LRATD1: variants seen among roughly 807,000 people sequenced by gnomAD.
LRATD1 encodes the protein LRAT domain containing 1.
LRATD1 carries 8 observed loss-of-function variants against 21.3 expected under a neutral mutation model. The observed-to-expected ratio is 0.38, with a 90% CI of 0.22 to 0.68. LRATD1 has a LOEUF of 0.68. LRATD1 is among the 30% of genes least tolerant of loss of function. The pLI is 0.54. For synonymous variants in LRATD1, 210 were observed against 186.2 expected, an observed-to-expected ratio of 1.13 and a Z score of -1.04; for missense variants, 380 against 404.0, an observed-to-expected ratio of 0.94 and a Z score of 0.51.
chr2:14,646,558 A>G (rs1671899429), intron 4 of LRATD1: 1 of 152,218 alleles, frequency 6.6e-6, no homozygotes, highest in South Asian at 2.1e-4. Context: ...TAAGTTGAAC[A>G]AGAACAAACG....
At chr2:14,650,977 G>C (rs1451864376), downstream of LRATD1, among the ~76,000 whole-genome samples, 1 of 152,144 alleles carries the variant, frequency 6.6e-6, no homozygotes, top group Non-Finnish European at 1.5e-5. Flanking sequence ...TTCATGGCCT[G>C]TCACAATCAT....
downstream of LRATD1, among the ~76,000 whole-genome samples, chr2:14,651,309 C>A (rs903969014): frequency 1.3e-5 from 2 of 152,108 alleles, no homozygotes; most frequent in Non-Finnish European, 2.9e-5. Context: ...TTATGCTATA[C>A]TTCTCTTAAC....
rs1483470242 is a variant in LRATD1, at chr2:14,638,836, GGTCT to G, written c.*3981_*3984del. 3.0e-5 allele frequency: 5 copies of G among 166,944 alleles called. No individual in the cohort carries two copies. Among genetic ancestry groups the G allele is most frequent in the African/African-American group, 1.2e-4 (5 of 41,464 alleles). The allele number at this position is 166,944 out of a possible 1,614,324, so 10.3% of individuals were successfully genotyped here. On this transcript the variant is annotated 3_prime_UTR_variant, in exon 2 of 2. Transcript: ENST00000295092. ...GAGGTGATTTGCCACGTGCACAAAGGGTCTGTAGGTGAAAAGACAGGCTTTTGGG... is the reference window on the plus strand; with the variant it reads ...GAGGTGATTTGCCACGTGCACAAAGGGTAGGTGAAAAGACAGGCTTTTGGG...
In LRATD1 at chr2:14,633,334, G is replaced by A. The variant is rs1168603613; in HGVS notation, c.-37+397G>A. Reference sequence around the variant, plus strand: ...TCTAAGTGTGCCAGTGTGTCGTCGCGAAGGTTTGTCATTGTGGGTGTATGT... The same window carrying A: ...TCTAAGTGTGCCAGTGTGTCGTCGCAAAGGTTTGTCATTGTGGGTGTATGT... On this transcript the variant is annotated intron_variant, in intron 1 of 1. Transcript: ENST00000295092. The surrounding 1 kb of genome is among the most constrained non-coding windows in gnomAD (Gnocchi z 7.5). Among the ~76,000 whole-genome samples the A allele has an allele frequency of 6.6e-6, 1 of 152,192 alleles. No homozygotes were observed. Among genetic ancestry groups the A allele is most frequent in the Non-Finnish European group, 1.5e-5 (1 of 68,036 alleles).
rs958551099 is a variant in LRATD1, at chr2:14,633,241, G to A, written c.-37+304G>A. Among the ~76,000 whole-genome samples, 1 of 152,186 alleles carries A rather than the reference G, an allele frequency of 6.6e-6. No individual in the cohort carries two copies. Among genetic ancestry groups the A allele is most frequent in the Non-Finnish European group, 1.5e-5 (1 of 68,024 alleles). On this transcript the variant is annotated intron_variant, in intron 1 of 1. Transcript: ENST00000295092. The surrounding 1 kb of genome is among the most constrained non-coding windows in gnomAD (Gnocchi z 7.5). The stretch of plus-strand genomic sequence containing the variant: ...TGCCTGTGAGGGCAGGTGTGCCCGG[G>A]TGCTTGGGCGTACGTGCAACGGCGA...
rs534966134 is a variant in LRATD1 at position 14,636,939 on chromosome 2, A to G, written c.*2081A>G. On this transcript the variant is annotated 3_prime_UTR_variant, in exon 2 of 2. Coordinates refer to ENST00000295092, the MANE Select transcript of LRATD1 (RefSeq NM_145175.4). ...ACGTCAGATCAATGAACTATGAACT[A>G]AAGTATTTTTCTTAAGCCTATTGAG... is the stretch of plus-strand genomic sequence containing the variant. 6.0e-6 allele frequency: 1 copy of G among 167,012 alleles called. No homozygotes were observed. Among genetic ancestry groups the G allele is most frequent in the Non-Finnish European group, 1.5e-5 (1 of 68,116 alleles). The allele number at this position is 167,012 out of a possible 1,614,324, so 10.3% of individuals were successfully genotyped here.
rs562247872 is a variant in LRATD1 at position 14,633,154 on chromosome 2, C to T, written c.-37+217C>T. 9.2e-4 allele frequency among the ~76,000 whole-genome samples: 140 copies of T among 152,190 alleles called. No individual in the cohort carries two copies. Among genetic ancestry groups the T allele is most frequent in the Non-Finnish European group, 1.5e-3 (99 of 68,026 alleles). ...TTATTTTAGACAGAGCAGCCTCGCC[C>T]TGGCGCAGTCCCATTGGCCCTGATG... On this transcript the variant is annotated intron_variant, in intron 1 of 1. Coordinates refer to ENST00000295092, the MANE Select transcript of LRATD1 (RefSeq NM_145175.4). This position sits in a 1 kb window ranked among gnomAD's most constrained non-coding sequence, Gnocchi z 7.5.
At chr2:14,644,870 G>T (rs544174041), downstream of LRATD1, among the ~76,000 whole-genome samples, 68 of 152,284 alleles carry the variant, frequency 4.5e-4, no homozygotes, top group Non-Finnish European at 8.4e-4. Flanking sequence ...ACAACTATCA[G>T]ATGCAGTGTG....
At chr2:14,644,651 G>A (rs558737673), downstream of LRATD1, among the ~76,000 whole-genome samples, 1 of 152,090 alleles carries the variant, frequency 6.6e-6, no homozygotes, top group Non-Finnish European at 1.5e-5. Context: ...CAGTTCACAG[G>A]GTTGGGACAG....
Position 14,636,095 on chromosome 2 carries a change from C to T in LRATD1, c.*1237C>T. 1 of 182,734 alleles carries T rather than the reference C, an allele frequency of 5.5e-6. No homozygotes were observed. Among genetic ancestry groups the T allele is most frequent in the Admixed American group, 5.5e-5 (1 of 18,236 alleles). 11.3% of individuals were successfully genotyped at this position (182,734 alleles called of 1,614,324 possible). ...TGGGGGCCATTAAGAGTGGATGTAG[C>T]TAAGAGCTTAGCTAACATTGCCTTT... On this transcript the variant is annotated 3_prime_UTR_variant, in exon 2 of 2. Coordinates refer to ENST00000295092, the MANE Select transcript of LRATD1 (RefSeq NM_145175.4).
At chr2:14,649,594 T>C in exon 6 of LRATD1, 1 of 323,132 alleles carries the variant, frequency 3.1e-6, no homozygotes, top group South Asian at 2.7e-5. Flanking sequence ...CCTCTTGTCC[T>C]CTGGATATCC....
chr2:14,650,246 ACT>A (rs1277749245), downstream of LRATD1: 2 of 151,964 alleles, frequency 1.3e-5, no homozygotes, highest in African/African-American at 2.4e-5. Flanking sequence ...CTAGTTGAAC[ACT>A]CTGTTATTTA....
In LRATD1 at chr2:14,635,851, A is replaced by C. The variant is rs906579294; in HGVS notation, c.*993A>C. 1.6e-5 allele frequency: 6 copies of C among 367,644 alleles called. No individual in the cohort carries two copies. The highest frequency in any genetic ancestry group is 8.6e-5 in the African/African-American group (4 of 46,640). The allele number at this position is 367,644 out of a possible 1,614,324, so 22.8% of individuals were successfully genotyped here. ...CATTCCAGAAACCAGCATTGTTACA[A>C]CACCATAGCCAGTATATTTAGTTTG... On this transcript the variant is annotated 3_prime_UTR_variant, in exon 2 of 2. Transcript: ENST00000295092.
exon 5 of LRATD1, chr2:14,649,360 C>T (rs1671961639): frequency 4.4e-6 from 2 of 456,186 alleles, no homozygotes; most frequent in African/African-American, 4.0e-5. Context: ...CTTAGGAGAC[C>T]CACCAACCAC....
Position 14,637,228 on chromosome 2 carries a change from C to T in LRATD1, c.*2370C>T, listed in dbSNP as rs147796819. Reference sequence around the variant, plus strand: ...TTAAACACCATCTTAAGCACTTGTTCCTGCAGGACTCCTTCTTGACATTTT... The same window carrying T: ...TTAAACACCATCTTAAGCACTTGTTTCTGCAGGACTCCTTCTTGACATTTT... On this transcript the variant is annotated 3_prime_UTR_variant, in exon 2 of 2. Transcript: ENST00000295092. 179 of 167,094 alleles carry T rather than the reference C, an allele frequency of 1.1e-3. 3 individuals are homozygous for T. Among genetic ancestry groups the T allele is most frequent in the Middle Eastern group, 6.8e-3 (2 of 296 alleles). 10.4% of individuals were successfully genotyped at this position (167,094 alleles called of 1,614,324 possible). A position where few individuals can be genotyped will look rare whatever the true frequency, so the allele number is the denominator to read the frequency against.
At chr2:14,643,592 A>T (rs1265045401), downstream of LRATD1, among the ~76,000 whole-genome samples, 1 of 152,204 alleles carries the variant, frequency 6.6e-6, no homozygotes, top group Non-Finnish European at 1.5e-5. Context: ...TGTGTGGAGC[A>T]TTCTTCTCCT....
chr2:14,643,364 C>A (rs1671838222), downstream of LRATD1, among the ~76,000 whole-genome samples: 1 of 152,192 alleles, frequency 6.6e-6, no homozygotes, highest in Non-Finnish European at 1.5e-5. Flanking sequence ...CCTTTAAGGA[C>A]TTTCCATAAC....
Position 14,635,265 on chromosome 2 carries a change from C to G in LRATD1, c.*407C>G, listed in dbSNP as rs770156862. On this transcript the variant is annotated 3_prime_UTR_variant, in exon 2 of 2. Transcript: ENST00000295092. ...CTTCTCAAAAGGGACCATCACCGCCCCGAGCGTGCGCACACAGACCGGTCG... is the reference window on the plus strand; with the variant it reads ...CTTCTCAAAAGGGACCATCACCGCCGCGAGCGTGCGCACACAGACCGGTCG... 1 of 506,230 alleles carries G rather than the reference C, an allele frequency of 2.0e-6. No homozygotes were observed. Among genetic ancestry groups the G allele is most frequent in the Non-Finnish European group, 4.0e-6 (1 of 250,746 alleles). 31.4% of individuals were successfully genotyped at this position (506,230 alleles called of 1,614,324 possible).
intron 2 of LRATD1, among the ~76,000 whole-genome samples, chr2:14,645,449 G>T (rs1671877488): frequency 6.6e-6 from 1 of 152,152 alleles, no homozygotes; most frequent in Non-Finnish European, 1.5e-5. Context: ...TTTTAATAAG[G>T]CTGTGAAAAC....
Sources: gnomAD v4.1 joint callset for allele counts (sites outside exome capture counted in the v4.1 genomes callset) on GRCh38, gnomAD v4.1.1 for gene constraint, Gnocchi (gnomAD v3.1) non-coding constraint, MANE v1.5 for transcripts, NCBI Gene and HGNC (gene_info 2026-07-23, HGNC 2026-07-21) for gene names.